The following RPSA2 variants were observed in gnomAD, a reference collection of about 807,000 sequenced individuals.
RPSA2 encodes the protein small ribosomal subunit protein uS2B.
the RPSA2 span, among the ~76,000 whole-genome samples, chr19:23,849,294 T>C: frequency 4.7e-5 from 7 of 149,754 alleles, no homozygotes; most frequent in African/African-American, 1.7e-4. Context: ...TTCTCCACCA[T>C]AATGAAGCAA....
the RPSA2 span, among the ~76,000 whole-genome samples, chr19:23,866,513 G>GCCCCCCCCC: frequency 1.9e-4 from 27 of 142,248 alleles, no homozygotes; most frequent in Non-Finnish European, 2.9e-4. Context: ...ACAATGTGGT[G>GCCCCCCCCC]CCCCCCCCCG....
the RPSA2 span, among the ~76,000 whole-genome samples, chr19:23,867,374 G>T: frequency 1.3e-5 from 2 of 152,166 alleles, no homozygotes; most frequent in African/African-American, 2.4e-5. Context: ...TCAATTTATG[G>T]GGTCGAGACT....
At chr19:23,793,565 CTTT>C in the RPSA2 span, among the ~76,000 whole-genome samples, 1 of 145,918 alleles carries the variant, frequency 6.9e-6, no homozygotes, top group Admixed American at 6.9e-5. Context: ...AAGCAATCTT[CTTT>C]TTTTTTTTCT....
chr19:23,759,972 G>A, the RPSA2 span, among the ~76,000 whole-genome samples: 5 of 152,128 alleles, frequency 3.3e-5, no homozygotes, highest in African/African-American at 9.7e-5. Context: ...AAGGCTACAT[G>A]ATAGTTACAG....
chr19:23,825,220 T>C, the RPSA2 span, among the ~76,000 whole-genome samples: 2 of 152,312 alleles, frequency 1.3e-5, no homozygotes, highest in Non-Finnish European at 2.9e-5. Flanking sequence ...CCTCATGATC[T>C]GCCTGCCTTG....
chr19:23,803,185 C>T, the RPSA2 span, among the ~76,000 whole-genome samples: 2 of 151,466 alleles, frequency 1.3e-5, no homozygotes, highest in Non-Finnish European at 2.9e-5. Flanking sequence ...ATTAGCTCTA[C>T]ACCCTGTCCC....
the RPSA2 span, among the ~76,000 whole-genome samples, chr19:23,775,491 G>A: frequency 6.6e-6 from 1 of 152,162 alleles, no homozygotes; most frequent in East Asian, 1.9e-4. Flanking sequence ...ACTCTCACGT[G>A]TACCTTATAA....
chr19:23,839,339 G>C, the RPSA2 span, among the ~76,000 whole-genome samples: 2 of 151,968 alleles, frequency 1.3e-5, no homozygotes, highest in African/African-American at 4.8e-5. Flanking sequence ...TTATTGAGGC[G>C]CGTTATGATT....
At chr19:23,758,861 G>T in the RPSA2 span, 6 of 1,464,570 alleles carry the variant, frequency 4.1e-6, no homozygotes, top group Non-Finnish European at 5.6e-6. Context: ...CAGTGAAGAC[G>T]AGACCCGGAG....
chr19:23,829,146 A>G, the RPSA2 span, among the ~76,000 whole-genome samples: 2 of 152,176 alleles, frequency 1.3e-5, no homozygotes, highest in African/African-American at 2.4e-5. Flanking sequence ...TTTGCATGGA[A>G]TGTCTACTTC....
At chr19:23,770,238 C>T in the RPSA2 span, among the ~76,000 whole-genome samples, 2 of 152,106 alleles carry the variant, frequency 1.3e-5, no homozygotes, top group Non-Finnish European at 2.9e-5. Flanking sequence ...TCATAGTTCT[C>T]TATGGATTGG....
the RPSA2 span, chr19:23,758,746 C>T: frequency 6.2e-7 from 1 of 1,614,228 alleles, no homozygotes; most frequent in South Asian, 1.1e-5. Flanking sequence ...GACATTCTCA[C>T]CATTTCTAGG....
At chr19:23,774,670 G>T in the RPSA2 span, among the ~76,000 whole-genome samples, 1 of 152,272 alleles carries the variant, frequency 6.6e-6, no homozygotes, top group African/African-American at 2.4e-5. Flanking sequence ...ATGAGAGATT[G>T]TGACATACCT....
chr19:23,815,073 TAACTCC>T, the RPSA2 span, among the ~76,000 whole-genome samples: 1 of 152,162 alleles, frequency 6.6e-6, no homozygotes, highest in African/African-American at 2.4e-5. Context: ...CTCAAACTTT[TAACTCC>T]AAGTGATCCT....
the RPSA2 span, among the ~76,000 whole-genome samples, chr19:23,868,918 T>A: frequency 6.6e-6 from 1 of 152,122 alleles, no homozygotes; most frequent in Non-Finnish European, 1.5e-5. Context: ...GGAGTCATGG[T>A]GACATCAACC....
the RPSA2 span, among the ~76,000 whole-genome samples, chr19:23,860,592 A>G: frequency 6.6e-6 from 1 of 151,802 alleles, no homozygotes; most frequent in Non-Finnish European, 1.5e-5. Flanking sequence ...ATGGTTCCCA[A>G]TGCAAGCTTG....
At chr19:23,789,711 A>C in the RPSA2 span, among the ~76,000 whole-genome samples, 2 of 149,838 alleles carry the variant, frequency 1.3e-5, no homozygotes, top group Non-Finnish European at 3.0e-5. Flanking sequence ...ATATTGTGTT[A>C]CTTTTTTTTT....
chr19:23,791,399 G>T, the RPSA2 span, among the ~76,000 whole-genome samples: 6 of 152,134 alleles, frequency 3.9e-5, no homozygotes, highest in African/African-American at 1.4e-4. Flanking sequence ...GCTTGTTTCC[G>T]GCAATGTAGT....
chr19:23,803,017 G>T, the RPSA2 span, among the ~76,000 whole-genome samples: 11 of 151,660 alleles, frequency 7.3e-5, no homozygotes, highest in South Asian at 1.7e-3. Flanking sequence ...TTGTTAAATT[G>T]CTTATTAGTA....
Sources: allele counts gnomAD v4.1 joint callset (sites outside exome capture counted in the v4.1 genomes callset), GRCh38; gene constraint gnomAD v4.1.1; transcripts MANE v1.5; gene names NCBI Gene and HGNC (gene_info 2026-07-23, HGNC 2026-07-21).